DLGAP2: variants seen among roughly 807,000 people sequenced by gnomAD.
The protein encoded by DLGAP2 is disks large-associated protein 2.
In DLGAP2, 26 loss-of-function variants were observed where a neutral mutation model predicts 100.3. That is an observed-to-expected ratio of 0.26 (90% CI 0.19 to 0.36). The LOEUF (loss-of-function observed/expected upper bound fraction) is 0.36. Ranked by LOEUF, DLGAP2 falls within the 10% of genes least tolerant of loss-of-function variation. The pLI, the probability that DLGAP2 is intolerant of heterozygous loss-of-function variation, is 1.00. For synonymous variants in DLGAP2, 886 were observed against 630.1 expected, an observed-to-expected ratio of 1.41 and a Z score of -6.08; for missense variants, 1,858 against 1,453.2, an observed-to-expected ratio of 1.28 and a Z score of -4.53.
chr8:1,050,973 G>GATGGGGGTCATTTT (rs1802664184), intron 2 of DLGAP2, among the ~76,000 whole-genome samples: 1 of 111,030 alleles, frequency 9.0e-6, no homozygotes, highest in Non-Finnish European at 1.9e-5. Context: ...TCATTTCGTG[G>GATGGGGGTCATTTT]GTGGGGGTCA....
chr8:1,505,951 GATTAA>G (rs1170181093), intron 4 of DLGAP2, among the ~76,000 whole-genome samples: 2 of 152,170 alleles, frequency 1.3e-5, no homozygotes, highest in Admixed American at 6.5e-5. Flanking sequence ...AAAGTTGGCA[GATTAA>G]ATTATCAAAG....
At chr8:1,031,342 T>G (rs140325062) in intron 2 of DLGAP2, among the ~76,000 whole-genome samples, 70 of 152,322 alleles carry the variant, frequency 4.6e-4, no homozygotes, top group African/African-American at 1.6e-3. Flanking sequence ...GCATGTTAGT[T>G]ACAGTTGGGA....
At chr8:1,537,728 TGGAAGGAAGGAAGGAA>T (rs10523091) in intron 4 of DLGAP2, among the ~76,000 whole-genome samples, 3,731 of 136,636 alleles carry the variant, frequency 0.027, 58 homozygotes, top group African/African-American at 0.029. Flanking sequence ...GATGAAAGGA[TGGAAGGAAGGAAGGAA>T]GGAAGGAAGG....
intron 2 of DLGAP2, among the ~76,000 whole-genome samples, chr8:1,196,316 C>G (rs2116743689): frequency 6.6e-6 from 1 of 152,350 alleles, no homozygotes; most frequent in East Asian, 1.9e-4. Flanking sequence ...AACTATTTCC[C>G]AAGCACCATG....
At chr8:943,813 AC>A (rs1429081882) in intron 2 of DLGAP2, among the ~76,000 whole-genome samples, 1 of 152,262 alleles carries the variant, frequency 6.6e-6, no homozygotes, top group African/African-American at 2.4e-5. Context: ...ATTTAGTGAA[AC>A]ATTATGGATT....
intron 2 of DLGAP2, among the ~76,000 whole-genome samples, chr8:1,185,260 G>A (rs1585131423): frequency 6.6e-6 from 1 of 152,116 alleles, no homozygotes; most frequent in African/African-American, 2.4e-5. Context: ...TGGGGGCTCT[G>A]AGAGTTTCTT....
At chr8:1,592,834 G>A (rs1263833527) in intron 6 of DLGAP2, among the ~76,000 whole-genome samples, 10 of 152,054 alleles carry the variant, frequency 6.6e-5, no homozygotes, top group East Asian at 1.9e-4. Context: ...GAGCATCACC[G>A]ACTGACCAGG....
chr8:1,309,779 G>A (rs11785949), intron 3 of DLGAP2, among the ~76,000 whole-genome samples: 8,813 of 152,288 alleles, frequency 0.058, 324 homozygotes, highest in Middle Eastern at 0.16. Context: ...CTATGTTACC[G>A]TGCACTCAAT....
chr8:1,027,186 T>C (rs1215804047), intron 2 of DLGAP2, among the ~76,000 whole-genome samples: 1 of 152,264 alleles, frequency 6.6e-6, no homozygotes, highest in Admixed American at 6.5e-5. Flanking sequence ...TTCACAGTTA[T>C]ATAACAACTT....
chr8:1,155,897 G>C (rs7815978), intron 2 of DLGAP2, among the ~76,000 whole-genome samples: 66,423 of 152,064 alleles, frequency 0.44, 15,153 homozygotes, highest in Non-Finnish European at 0.52. Context: ...CAGCGGCGGG[G>C]GAGGCCAGTA....
intron 13 of DLGAP2, among the ~76,000 whole-genome samples, chr8:1,693,838 T>C (rs201527998): frequency 6.6e-6 from 1 of 152,354 alleles, no homozygotes; most frequent in East Asian, 1.9e-4. Flanking sequence ...AGCCTGTAAC[T>C]GTGTAAACAT....
At chr8:1,243,610 T>A (rs1019113933) in intron 2 of DLGAP2, among the ~76,000 whole-genome samples, 2 of 152,210 alleles carry the variant, frequency 1.3e-5, no homozygotes, top group Non-Finnish European at 2.9e-5. Context: ...TTAATTTGTT[T>A]GGACCCCTCT....
chr8:1,466,216 A>T (rs1315667683), intron 3 of DLGAP2, among the ~76,000 whole-genome samples: 1 of 151,694 alleles, frequency 6.6e-6, no homozygotes, highest in East Asian at 1.9e-4. Flanking sequence ...AAAATATTAG[A>T]CTCTTTACTA....
chr8:1,093,154 G>A (rs1381605347), intron 2 of DLGAP2, among the ~76,000 whole-genome samples: 2 of 152,176 alleles, frequency 1.3e-5, no homozygotes. Context: ...CCCACGGTAT[G>A]AGGGCCATCT....
intron 3 of DLGAP2, among the ~76,000 whole-genome samples, chr8:1,272,496 T>G (rs146648568): frequency 1.7e-3 from 253 of 152,194 alleles, no homozygotes; most frequent in African/African-American, 5.8e-3. Flanking sequence ...ACATAAACGT[T>G]TTATATAGAA....
chr8:1,463,830 T>C (rs1584928862), intron 3 of DLGAP2, among the ~76,000 whole-genome samples: 1 of 152,114 alleles, frequency 6.6e-6, no homozygotes, highest in Non-Finnish European at 1.5e-5. Flanking sequence ...GAGGCGATGG[T>C]GTGGTTTGAG....
At chr8:1,675,180 C>T (rs1265063472) in intron 10 of DLGAP2, among the ~76,000 whole-genome samples, 3 of 152,238 alleles carry the variant, frequency 2.0e-5, no homozygotes, top group Non-Finnish European at 2.9e-5. Flanking sequence ...TGAAAGTGGA[C>T]GTCTCTGTCC....
chr8:874,163 C>G (rs1266061725), intron 1 of DLGAP2, among the ~76,000 whole-genome samples: 1 of 151,996 alleles, frequency 6.6e-6, no homozygotes, highest in East Asian at 1.9e-4. Context: ...AGCCACCTTT[C>G]CATTTCATTT....
chr8:1,681,874 T>C (rs1042271168), intron 12 of DLGAP2, among the ~76,000 whole-genome samples: 1 of 150,284 alleles, frequency 6.7e-6, no homozygotes, highest in African/African-American at 2.5e-5. Flanking sequence ...CCCTCTGACG[T>C]TGAAGGCTCT....
Sources: gnomAD v4.1 joint callset for allele counts (sites outside exome capture counted in the v4.1 genomes callset) on GRCh38, gnomAD v4.1.1 for gene constraint, MANE v1.5 for transcripts, NCBI Gene and HGNC (gene_info 2026-07-23, HGNC 2026-07-21) for gene names.